The following NSUN6 variants were observed in gnomAD, a reference collection of about 807,000 sequenced individuals.
NSUN6 encodes tRNA (cytosine(72)-C(5))-methyltransferase NSUN6.
Under a neutral mutation model 58.0 loss-of-function variants are expected in NSUN6, and 64 were observed. The ratio of observed to expected loss-of-function variants is 1.10; its 90% CI spans 0.90 to 1.36. The LOEUF is 1.36. Among genes scored for constraint, NSUN6 ranks in the 40% most tolerant of loss-of-function variants. NSUN6 has a pLI of 0.00. For synonymous variants in NSUN6, 231 were observed against 193.9 expected (o/e 1.19, Z -1.59); for missense variants, 701 against 550.1 (o/e 1.27, Z -2.74).
chr10:18,639,484 G>C (rs2059328195), intron 3 of NSUN6, among the ~76,000 whole-genome samples: 2 of 151,976 alleles, frequency 1.3e-5, no homozygotes, highest in South Asian at 4.1e-4. Context: ...ACAGACTTGA[G>C]ACTCCGTCTC....
chr10:18,637,475 A>C (rs2059256520), intron 3 of NSUN6, among the ~76,000 whole-genome samples: 1 of 152,378 alleles, frequency 6.6e-6, no homozygotes, highest in East Asian at 1.9e-4. Context: ...CATATATTTT[A>C]GAGAACTAAA....
intron 8 of NSUN6, among the ~76,000 whole-genome samples, chr10:18,572,350 ACATTC>A (rs1490688200): frequency 6.9e-6 from 1 of 145,016 alleles, no homozygotes; most frequent in Admixed American, 6.8e-5. Flanking sequence ...ATTCCAATCC[ACATTC>A]CATTCCATTC....
At chr10:18,629,714 T>G (rs1471340275) in intron 3 of NSUN6, among the ~76,000 whole-genome samples, 2 of 150,698 alleles carry the variant, frequency 1.3e-5, no homozygotes, top group Non-Finnish European at 3.0e-5. Flanking sequence ...CTATCCTAAA[T>G]ATATATGCAC....
chr10:18,550,857 T>C (rs979383955), intron 9 of NSUN6, among the ~76,000 whole-genome samples: 1 of 151,972 alleles, frequency 6.6e-6, no homozygotes, highest in Non-Finnish European at 1.5e-5. Context: ...CCCGAGTAGC[T>C]GGGACTACAG....
chr10:18,622,014 C>CATAT (rs10572337), intron 3 of NSUN6, among the ~76,000 whole-genome samples: 53 of 151,140 alleles, frequency 3.5e-4, no homozygotes, highest in Middle Eastern at 3.4e-3. Context: ...CCTATTCACA[C>CATAT]ATATATATAT....
upstream of NSUN6, chr10:18,654,647 C>G (rs1317197640): frequency 6.6e-6 from 1 of 152,276 alleles, no homozygotes; most frequent in Non-Finnish European, 1.5e-5. Flanking sequence ...CTTTGGGAGG[C>G]TGAGGCGGGT....
At chr10:18,599,222 A>G (rs1195641024) in intron 6 of NSUN6, among the ~76,000 whole-genome samples, 1 of 152,064 alleles carries the variant, frequency 6.6e-6, no homozygotes, top group African/African-American at 2.4e-5. Flanking sequence ...AATTTCTTGT[A>G]GAGATGGGGT....
At chr10:18,633,522 G>A (rs1326786086) in intron 3 of NSUN6, among the ~76,000 whole-genome samples, 6 of 152,106 alleles carry the variant, frequency 3.9e-5, no homozygotes, top group Admixed American at 3.9e-4. Context: ...ATAACCGGCT[G>A]ACAGTGAAAT....
At chr10:18,656,503 C>T (rs1458268746), upstream of NSUN6, among the ~76,000 whole-genome samples, 1 of 152,140 alleles carries the variant, frequency 6.6e-6, no homozygotes, top group Non-Finnish European at 1.5e-5. Context: ...CACAACTGCA[C>T]TCCAGCCTAG....
At chr10:18,627,820 C>G (rs182712598) in intron 3 of NSUN6, among the ~76,000 whole-genome samples, 54 of 152,348 alleles carry the variant, frequency 3.5e-4, no homozygotes, top group African/African-American at 1.1e-3. Flanking sequence ...AGGCGGCAGC[C>G]AGGCTGGGGG....
At chr10:18,579,820 C>G (rs1365938727) in intron 8 of NSUN6, among the ~76,000 whole-genome samples, 1 of 152,066 alleles carries the variant, frequency 6.6e-6, no homozygotes, top group Non-Finnish European at 1.5e-5. Context: ...TTTAGTCTGC[C>G]TCAATAAATC....
intron 10 of NSUN6, among the ~76,000 whole-genome samples, chr10:18,546,460 C>T (rs2054268917): frequency 6.6e-6 from 1 of 152,176 alleles, no homozygotes; most frequent in African/African-American, 2.4e-5. Flanking sequence ...CACATTTTAG[C>T]TGTGTGACTT....
intron 8 of NSUN6, among the ~76,000 whole-genome samples, chr10:18,564,817 C>T (rs568651360): frequency 6.7e-6 from 1 of 149,816 alleles, no homozygotes; most frequent in South Asian, 2.1e-4. Flanking sequence ...TTCCATTATT[C>T]AATTCATTCT....
At chr10:18,581,434 T>C (rs2056898973) in intron 8 of NSUN6, among the ~76,000 whole-genome samples, 1 of 152,098 alleles carries the variant, frequency 6.6e-6, no homozygotes, top group African/African-American at 2.4e-5. Flanking sequence ...AATTTACAAA[T>C]GACATGGCAG....
intron 6 of NSUN6, among the ~76,000 whole-genome samples, chr10:18,607,984 C>T (rs2058101215): frequency 6.6e-6 from 1 of 152,176 alleles, no homozygotes; most frequent in Non-Finnish European, 1.5e-5. Context: ...AATAAGCAGT[C>T]AGTGTTAGCT....
At chr10:18,651,957 A>G (rs2059718161), upstream of NSUN6, 1 of 985,326 alleles carries the variant, frequency 1.0e-6, no homozygotes, top group Non-Finnish European at 1.2e-6. Flanking sequence ...CTCCAGTTAG[A>G]GGATGAGGCC....
At position 18,614,596 on chromosome 10, in the gene NSUN6, C is replaced by T; in HGVS notation, c.439G>A (p.Val147Ile). The T allele has an allele frequency of 1.4e-6, 2 of 1,436,830 alleles. No homozygotes were observed. Among genetic ancestry groups the T allele is most frequent in the Non-Finnish European group, 1.9e-6 (2 of 1,066,640 alleles). 89.0% of individuals were successfully genotyped at this position (1,436,830 alleles called of 1,614,324 possible). ...TTAATATCAGAGTATACAGAAATAA[C>T]ATCTCCAGCTTTCATAACTAGAGAA... is the stretch of plus-strand genomic sequence containing the variant. Reference protein sequence around the residue: ...SASQFMKAGDVISVYSDIKGK... With the variant: ...SASQFMKAGDIISVYSDIKGK... The change falls in exon 5 of 11, where the codon GTT (valine) becomes ATT (isoleucine). Residue 147 changes from valine (V) to isoleucine (I), a missense_variant. Physicochemically the swap from Val to Ile is conservative, Grantham distance 29. Coordinates refer to ENST00000377304, the MANE Select transcript of NSUN6 (RefSeq NM_182543.5).
At chr10:18,572,452 C>T (rs954410926) in intron 8 of NSUN6, among the ~76,000 whole-genome samples, 2 of 143,578 alleles carry the variant, frequency 1.4e-5, no homozygotes, top group Non-Finnish European at 1.5e-5. Flanking sequence ...ATTCCATTCC[C>T]CATTCTGTTC....
intron 3 of NSUN6, among the ~76,000 whole-genome samples, chr10:18,625,478 C>A (rs1475077341): frequency 1.3e-5 from 2 of 151,848 alleles, no homozygotes; most frequent in South Asian, 2.1e-4. Flanking sequence ...TTTGGAAGGC[C>A]GAGGTTGGTG....
Sources: allele counts gnomAD v4.1 joint callset (sites outside exome capture counted in the v4.1 genomes callset), GRCh38; gene constraint gnomAD v4.1.1; transcripts MANE v1.5; gene names NCBI Gene and HGNC (gene_info 2026-07-23, HGNC 2026-07-21).